The following PTPN21 variants were observed in gnomAD, a reference collection of about 807,000 sequenced individuals.
PTPN21 encodes the protein protein tyrosine phosphatase non-receptor type 21.
A neutral mutation model predicts 131.8 loss-of-function variants in PTPN21; 77 were observed. That is an observed-to-expected ratio of 0.58 (90% CI 0.49 to 0.71). The LOEUF (loss-of-function observed/expected upper bound fraction) is 0.71. Among genes scored for constraint, PTPN21 ranks in the 30% least tolerant of loss-of-function variants. The pLI is 0.00. For missense variants in PTPN21, 1,552 were observed against 1,527.1 expected (o/e 1.02, Z -0.27); for synonymous variants, 715 against 621.3 (o/e 1.15, Z -2.24).
chr14:88,502,039 G>A (rs1196205678), intron 6 of PTPN21, among the ~76,000 whole-genome samples: 3 of 152,058 alleles, frequency 2.0e-5, no homozygotes, highest in East Asian at 1.9e-4. Context: ...GCTAAATGTC[G>A]AACGCAGGGA....
At chr14:88,478,290 C>T (rs565414274) in intron 13 of PTPN21, among the ~76,000 whole-genome samples, 4 of 152,244 alleles carry the variant, frequency 2.6e-5, no homozygotes, top group South Asian at 4.2e-4. Flanking sequence ...CATCTTCTAC[C>T]GGGGACTTTC....
chr14:88,521,686 C>CTTAA (rs1313739412), intron 2 of PTPN21, among the ~76,000 whole-genome samples: 12 of 151,410 alleles, frequency 7.9e-5, no homozygotes, highest in Non-Finnish European at 1.6e-4. Context: ...GCTGAGATTA[C>CTTAA]AGGCGTGAGC....
In PTPN21 at chr14:88,500,647, C is replaced by A. The variant is rs2077993358; in HGVS notation, c.764+136G>T. 65 of 633,878 alleles carry A rather than the reference C, an allele frequency of 1.0e-4. 1 individual carries two copies. In the South Asian group the frequency reaches 1.3e-3, roughly 13 times the overall value. The allele number at this position is 633,878 out of a possible 1,614,324, so 39.3% of individuals were successfully genotyped here. A position where few individuals can be genotyped will look rare whatever the true frequency, so the allele number is the denominator to read the frequency against. On this transcript the variant is annotated intron_variant, in intron 8 of 18. Coordinates refer to ENST00000556564, the MANE Select transcript of PTPN21 (RefSeq NM_007039.4). ...TGTTGCATTCAGATGGTATTTTTTT[C>A]CTAGGAAGGGAATTATTTCCATTTT... is the stretch of plus-strand genomic sequence containing the variant.
At chr14:88,537,937 T>A (rs534761838) in intron 2 of PTPN21, among the ~76,000 whole-genome samples, 1 of 152,208 alleles carries the variant, frequency 6.6e-6, no homozygotes, top group Admixed American at 6.5e-5. Flanking sequence ...TCTACACTTA[T>A]GTAAACATAG....
rs2077421292 is a variant in PTPN21 at position 88,469,490 on chromosome 14, G to A, written c.3235+9C>T. On this transcript the variant is annotated intron_variant, in intron 17 of 18. Coordinates refer to ENST00000556564, the MANE Select transcript of PTPN21 (RefSeq NM_007039.4). This position sits in a 1 kb window ranked among gnomAD's most constrained non-coding sequence, Gnocchi z 4.3. ...CAGCTGTCCTCGGAACAAAGTTAAA[G>A]TCACTCACATAAAAATCCCTTGAGG... 1 of 1,599,018 alleles carries A rather than the reference G, an allele frequency of 6.3e-7. No homozygotes were observed. The highest frequency in any genetic ancestry group is 8.6e-7 in the Non-Finnish European group (1 of 1,166,268).
intron 13 of PTPN21, among the ~76,000 whole-genome samples, chr14:88,474,616 G>A (rs2077523126): frequency 6.6e-6 from 1 of 152,000 alleles, no homozygotes; most frequent in African/African-American, 2.4e-5. Flanking sequence ...AGACTTAGAT[G>A]ACCCGGGTTA....
At chr14:88,514,672 C>T (rs991530021) in intron 3 of PTPN21, among the ~76,000 whole-genome samples, 5 of 151,946 alleles carry the variant, frequency 3.3e-5, no homozygotes, top group African/African-American at 7.3e-5. Context: ...CCATGTTGAT[C>T]AGGCTGATCT....
chr14:88,466,993 A>G lies in PTPN21; in HGVS notation c.*1144T>C, dbSNP rs1408101395. ...ACAGGTTGAGGTGGGAAAAGCCCCA[A>G]GGAAACGGAGTAAGTCACTGGCGGT... On this transcript the variant is annotated 3_prime_UTR_variant, in exon 19 of 19. Transcript: ENST00000556564. The G allele has an allele frequency of 6.6e-6, 1 of 152,236 alleles. No individual in the cohort carries two copies. Among genetic ancestry groups the G allele is most frequent in the African/African-American group, 2.4e-5 (1 of 41,456 alleles). 9.4% of individuals were successfully genotyped at this position (152,236 alleles called of 1,614,324 possible).
chr14:88,477,118 C>G (rs538044738), intron 13 of PTPN21, among the ~76,000 whole-genome samples: 39 of 152,182 alleles, frequency 2.6e-4, no homozygotes, highest in South Asian at 1.2e-3. Context: ...TTTGGAAAAT[C>G]TACCCACACC....
intron 10 of PTPN21, among the ~76,000 whole-genome samples, chr14:88,490,296 AC>A (rs1471360908): frequency 6.6e-6 from 1 of 152,092 alleles, no homozygotes; most frequent in Non-Finnish European, 1.5e-5. Flanking sequence ...GGCATGAGCC[AC>A]CGTGACCGGC....
chr14:88,482,544 C>T (rs1227231300), intron 12 of PTPN21, among the ~76,000 whole-genome samples: 1 of 151,928 alleles, frequency 6.6e-6, no homozygotes, highest in Non-Finnish European at 1.5e-5. Flanking sequence ...ACCCAGGAGG[C>T]AGAGGTGGCA....
rs766934174 is a variant in PTPN21, at chr14:88,485,132, G to A, written c.1022C>T (p.Pro341Leu). The A allele has an allele frequency of 1.9e-6, 3 of 1,606,390 alleles. No homozygotes were observed. Among genetic ancestry groups the A allele is most frequent in the South Asian group, 2.2e-5 (2 of 90,320 alleles). Residue 341 changes from proline to leucine, a missense_variant, in exon 12 of 19, where the codon CCC (proline) becomes CTC (leucine). Physicochemically the swap from Pro to Leu is moderately conservative, Grantham distance 98. Coordinates refer to ENST00000556564, the MANE Select transcript of PTPN21 (RefSeq NM_007039.4). ...LPKPQPYVMP[P>L]PPQLHYNGHY... ...TCCATTATAGTGCAACTGCGGTGGGGGAGGCATCACGTAGGGCTGGGGTTT... is the reference window on the plus strand; with the variant it reads ...TCCATTATAGTGCAACTGCGGTGGGAGAGGCATCACGTAGGGCTGGGGTTT...
intron 2 of PTPN21, among the ~76,000 whole-genome samples, chr14:88,523,293 C>A (rs75133067): frequency 1.3e-5 from 2 of 151,656 alleles, no homozygotes; most frequent in South Asian, 2.1e-4. Context: ...GTAAAACATA[C>A]CCCCCAAAAT....
Position 88,511,249 on chromosome 14 carries a change from T to C in PTPN21, c.351-3229A>G, listed in dbSNP as rs529384822. ...GTTTTTCTTAAAGAAGTATTTACTG[T>C]AGGAGCAGATGGCCAAGAAATTACA... is the stretch of plus-strand genomic sequence containing the variant. On this transcript the variant is annotated intron_variant, in intron 3 of 18. Coordinates refer to ENST00000556564, the MANE Select transcript of PTPN21 (RefSeq NM_007039.4). Among the ~76,000 whole-genome samples, 5 of 152,208 alleles carry C rather than the reference T, an allele frequency of 3.3e-5. No homozygotes were observed. In the East Asian group the frequency reaches 9.6e-4, roughly 29 times the overall value.
Position 88,472,352 on chromosome 14 carries a change from A to G in PTPN21, c.2763T>C (p.Asn921=). 3 of 1,613,872 alleles carry G rather than the reference A, an allele frequency of 1.9e-6. No homozygotes were observed. Among genetic ancestry groups the G allele is most frequent in the Non-Finnish European group, 2.5e-6 (3 of 1,179,814 alleles). Residue 921 remains asparagine (N), a synonymous_variant, in exon 15 of 19, where the codon AAT becomes AAC. Coordinates refer to ENST00000556564, the MANE Select transcript of PTPN21 (RefSeq NM_007039.4). ...GECSTARLPE[N]AERNRFQDVL... ...CATCTTGGAATCGATTTCTTTCTGC[A>G]TTTTCAGGGAGTCGTGCTGTTGAGC...
intron 3 of PTPN21, among the ~76,000 whole-genome samples, 188 bp from the exon 4 acceptor site, chr14:88,508,208 G>T (rs571213697): frequency 9.2e-5 from 14 of 151,528 alleles, no homozygotes; most frequent in African/African-American, 3.4e-4. Flanking sequence ...GAGTGCAGTG[G>T]CATGATTACT....
Position 88,522,427 on chromosome 14 carries a change from C to CAA in PTPN21, c.181-5168_181-5167dup, listed in dbSNP as rs1177147324. Among the ~76,000 whole-genome samples, 161 of 41,586 alleles carry CAA rather than the reference C, an allele frequency of 3.9e-3. 5 individuals are homozygous for CAA. The highest frequency in any genetic ancestry group is 5.1e-3 in the African/African-American group (62 of 12,100). 27.3% of individuals were successfully genotyped at this position (41,586 alleles called of 152,430 possible). ...CCTGGGCGACAGAGCAAGACTGTCT[C>CAA]AAAAAAAAAAAAAAAAGAAAAAAAG... On this transcript the variant is annotated intron_variant, in intron 2 of 18. Coordinates refer to ENST00000556564, the MANE Select transcript of PTPN21 (RefSeq NM_007039.4).
In PTPN21 at chr14:88,467,116, G is replaced by A. The variant is rs1266617209; in HGVS notation, c.*1021C>T. The A allele has an allele frequency of 6.6e-6, 1 of 152,168 alleles. No homozygotes were observed. Among genetic ancestry groups the A allele is most frequent in the Non-Finnish European group, 1.5e-5 (1 of 68,068 alleles). The allele number at this position is 152,168 out of a possible 1,614,324, so 9.4% of individuals were successfully genotyped here. ...ATAGATAATACTGCATTTTTGTAAAGACGAAGGCATCCTGCATTTACCATC... is the reference window on the plus strand; with the variant it reads ...ATAGATAATACTGCATTTTTGTAAAAACGAAGGCATCCTGCATTTACCATC... On this transcript the variant is annotated 3_prime_UTR_variant, in exon 19 of 19. Coordinates refer to ENST00000556564, the MANE Select transcript of PTPN21 (RefSeq NM_007039.4).
chr14:88,539,229 G>A (rs141091997), intron 2 of PTPN21, among the ~76,000 whole-genome samples: 1,608 of 148,016 alleles, frequency 0.011, 16 homozygotes, highest in African/African-American at 0.023. Context: ...GATTACAGGC[G>A]ACTGCCACCA....
Sources: allele counts gnomAD v4.1 joint callset (sites outside exome capture counted in the v4.1 genomes callset), GRCh38; gene constraint gnomAD v4.1.1; non-coding constraint Gnocchi (gnomAD v3.1); transcripts MANE v1.5; gene names NCBI Gene and HGNC (gene_info 2026-07-23, HGNC 2026-07-21).